Variants in ARHGAP24 observed in about 807,000 individuals in gnomAD.
ARHGAP24 encodes the protein rho GTPase-activating protein 24.
Under a neutral mutation model 76.4 loss-of-function variants are expected in ARHGAP24, and 50 were observed. The observed-to-expected ratio is 0.65, with a 90% CI of 0.52 to 0.83. ARHGAP24 has a LOEUF of 0.83. ARHGAP24 is among the 40% of genes least tolerant of loss of function. The probability of loss-of-function intolerance (pLI) is 0.00; values close to 1 mark genes in which losing one functional copy is unlikely to be tolerated. For missense variants in ARHGAP24, 930 were observed against 914.2 expected (o/e 1.02, Z -0.22); for synonymous variants, 345 against 323.3 (o/e 1.07, Z -0.72).
At chr4:85,485,906 T>A (rs952110463) in intron 1 of ARHGAP24, among the ~76,000 whole-genome samples, 8 of 151,960 alleles carry the variant, frequency 5.3e-5, no homozygotes, top group African/African-American at 1.9e-4. Flanking sequence ...CTACTTTTTA[T>A]TTTTGTATTT....
In ARHGAP24 at chr4:85,669,677, A is replaced by G. The variant is rs1014352586; in HGVS notation, c.181-52208A>G. Among the ~76,000 whole-genome samples the G allele has an allele frequency of 1.5e-4, 12 of 77,644 alleles. No individual in the cohort carries two copies. The South Asian group carries it at 3.1e-3, about 20-fold the overall frequency. The allele number at this position is 77,644 out of a possible 152,430, so 50.9% of individuals were successfully genotyped here. On this transcript the variant is annotated intron_variant, in intron 2 of 9. Transcript: ENST00000395184. The stretch of plus-strand genomic sequence containing the variant: ...TATATATATATATATATATATATAT[A>G]TATATATATATATATGTGATATATA...
At chr4:85,879,709 A>G (rs1733133789) in intron 3 of ARHGAP24, among the ~76,000 whole-genome samples, 1 of 151,968 alleles carries the variant, frequency 6.6e-6, no homozygotes, top group Admixed American at 6.6e-5. Flanking sequence ...TAATTATGTA[A>G]TTTAATTAAA....
At chr4:85,669,487 C>T (rs28502568) in intron 2 of ARHGAP24, among the ~76,000 whole-genome samples, 333 of 151,156 alleles carry the variant, frequency 2.2e-3, no homozygotes, top group African/African-American at 4.5e-3. Context: ...TGGGAGGAAG[C>T]GCTGTTAAAA....
intron 3 of ARHGAP24, among the ~76,000 whole-genome samples, chr4:85,801,130 C>A (rs1029050983): frequency 6.6e-6 from 1 of 151,786 alleles, no homozygotes; most frequent in South Asian, 2.1e-4. Flanking sequence ...ATTTTTTATC[C>A]TTTTTTTGTT....
chr4:85,986,575 A>G (rs1397978837), intron 8 of ARHGAP24, among the ~76,000 whole-genome samples: 1 of 152,150 alleles, frequency 6.6e-6, no homozygotes, highest in Non-Finnish European at 1.5e-5. Flanking sequence ...GCTGAGCTGA[A>G]GAGAGTAAGG....
rs772990480 is a variant in ARHGAP24 at position 85,995,467 on chromosome 4, A to G, written c.1813A>G (p.Arg605Gly). 5 of 1,603,544 alleles carry G rather than the reference A, an allele frequency of 3.1e-6. No homozygotes were observed. The East Asian group carries it at 1.1e-4, about 36-fold the overall frequency. The change falls in exon 9 of 10, where the codon AGG becomes GGG. Residue 605 changes from arginine to glycine, a missense_variant. Arg to Gly is a moderately radical substitution (Grantham distance 125). Coordinates refer to ENST00000395184, the MANE Select transcript of ARHGAP24 (RefSeq NM_001025616.3). ...GPPQDDLSHP[R>G]DYESKSDHRS... is the part of the protein sequence containing the mutation. The stretch of plus-strand genomic sequence containing the variant: ...CCCGCAGGACGACCTTTCCCACCCC[A>G]GGGACTATGAAAGCAAAAGTGACCA...
intron 3 of ARHGAP24, among the ~76,000 whole-genome samples, chr4:85,888,436 A>G (rs977470777): frequency 6.6e-6 from 1 of 150,832 alleles, no homozygotes; most frequent in African/African-American, 2.4e-5. Context: ...AGAAAATTCT[A>G]TCTGTACAGG....
chr4:85,575,150 G>A (rs889714381), intron 2 of ARHGAP24, among the ~76,000 whole-genome samples: 1 of 151,940 alleles, frequency 6.6e-6, no homozygotes, highest in Non-Finnish European at 1.5e-5. Context: ...AAAAAAAGCA[G>A]CTTTAGTTCA....
chr4:85,921,292 A>C (rs1735708639), intron 3 of ARHGAP24, among the ~76,000 whole-genome samples: 1 of 152,190 alleles, frequency 6.6e-6, no homozygotes, highest in Non-Finnish European at 1.5e-5. Flanking sequence ...CAGAAAACCA[A>C]ATACTGCATG....
chr4:85,674,750 G>T (rs1722916332), intron 2 of ARHGAP24, among the ~76,000 whole-genome samples: 1 of 152,186 alleles, frequency 6.6e-6, no homozygotes, highest in African/African-American at 2.4e-5. Context: ...GATATACCAG[G>T]ATTAACCTTG....
chr4:85,527,463 T>C (rs942374607), intron 1 of ARHGAP24, among the ~76,000 whole-genome samples: 2 of 152,052 alleles, frequency 1.3e-5, no homozygotes, highest in Non-Finnish European at 2.9e-5. Context: ...ATGATTTTTA[T>C]AAAAAAATTA....
At chr4:85,950,676 CTTTTTTCT>C (rs1183147346) in intron 5 of ARHGAP24, among the ~76,000 whole-genome samples, 20 of 104,584 alleles carry the variant, frequency 1.9e-4, no homozygotes, top group Middle Eastern at 0.011. Flanking sequence ...CTTCTTTTTT[CTTTTTTCT>C]TTTTTTTTTA....
At chr4:85,939,770 A>T (rs1383224027) in intron 4 of ARHGAP24, among the ~76,000 whole-genome samples, 1 of 152,272 alleles carries the variant, frequency 6.6e-6, no homozygotes, top group East Asian at 1.9e-4. Context: ...TACAAACCCA[A>T]ATATTGGAAG....
intron 1 of ARHGAP24, among the ~76,000 whole-genome samples, chr4:85,495,349 T>TG (rs1560508379): frequency 8.1e-6 from 1 of 122,890 alleles, no homozygotes; most frequent in African/African-American, 3.1e-5. Context: ...GAATTTTTTT[T>TG]TTTTTTTTTT....
rs766135875 is a variant in ARHGAP24 at position 85,530,384 on chromosome 4, G to C, written c.-20-40138G>C. ...TATTTGGTCTTGACTGTTTCACTGC[G>C]ATATTCAGCTATTGCAAGAATATTT... On this transcript the variant is annotated intron_variant, in intron 1 of 9. Transcript: ENST00000395184. 5.9e-5 allele frequency among the ~76,000 whole-genome samples: 9 copies of C among 151,994 alleles called. No homozygotes were observed. In the South Asian group the frequency reaches 6.2e-4, roughly 11 times the overall value.
At chr4:85,677,852 A>C (rs1723038729) in intron 2 of ARHGAP24, among the ~76,000 whole-genome samples, 1 of 152,288 alleles carries the variant, frequency 6.6e-6, no homozygotes, top group Admixed American at 6.5e-5. Flanking sequence ...GAGCTGTTTC[A>C]GCCTGAAAAA....
At chr4:85,612,618 T>C (rs953284440) in intron 2 of ARHGAP24, among the ~76,000 whole-genome samples, 15 of 152,092 alleles carry the variant, frequency 9.9e-5, no homozygotes, top group African/African-American at 3.1e-4. Context: ...TATGAAATGT[T>C]TCAAAAACTC....
At chr4:85,726,944 G>T (rs1203543422) in intron 3 of ARHGAP24, among the ~76,000 whole-genome samples, 1 of 152,114 alleles carries the variant, frequency 6.6e-6, no homozygotes, top group Non-Finnish European at 1.5e-5. Flanking sequence ...CGAGGTAGGG[G>T]TATCACCTGA....
intron 1 of ARHGAP24, among the ~76,000 whole-genome samples, chr4:85,482,444 G>C (rs762440417): frequency 6.6e-6 from 1 of 152,242 alleles, no homozygotes; most frequent in Admixed American, 6.5e-5. Context: ...TGGGGTCTTT[G>C]TGCCTGGAGA....
Sources: gnomAD v4.1 joint callset for allele counts (sites outside exome capture counted in the v4.1 genomes callset) on GRCh38, gnomAD v4.1.1 for gene constraint, MANE v1.5 for transcripts, NCBI Gene and HGNC (gene_info 2026-07-23, HGNC 2026-07-21) for gene names.